The following TRPC6 variants were observed in gnomAD, a reference collection of about 807,000 sequenced individuals.
TRPC6 encodes short transient receptor potential channel 6.
A neutral mutation model predicts 90.7 loss-of-function variants in TRPC6; 55 were observed. The ratio of observed to expected loss-of-function variants is 0.61; its 90% CI spans 0.49 to 0.76. TRPC6 has a LOEUF of 0.76. TRPC6 is among the 30% of genes least tolerant of loss of function. TRPC6 has a pLI of 0.00. For missense variants in TRPC6, 989 were observed against 1,122.7 expected, an observed-to-expected ratio of 0.88 and a Z score of 1.70; for synonymous variants, 393 against 393.0, an observed-to-expected ratio of 1.00 and a Z score of 0.00.
intron 5 of TRPC6, among the ~76,000 whole-genome samples, chr11:101,480,836 A>C (rs1859535080): frequency 6.6e-6 from 1 of 152,212 alleles, no homozygotes; most frequent in Admixed American, 6.5e-5. Flanking sequence ...GGCCATGCAC[A>C]AGTGATTGTT....
intron 1 of TRPC6, among the ~76,000 whole-genome samples, chr11:101,522,242 C>G (rs1221093085): frequency 1.3e-5 from 2 of 152,134 alleles, no homozygotes; most frequent in African/African-American, 4.8e-5. Flanking sequence ...GGATATTCCC[C>G]TTACTATTCT....
chr11:101,521,806 T>G (rs1207425554), intron 1 of TRPC6, among the ~76,000 whole-genome samples: 1 of 152,246 alleles, frequency 6.6e-6, no homozygotes, highest in East Asian at 1.9e-4. Flanking sequence ...GAGATTATTT[T>G]GGATCTTTAA....
rs756416699 is a variant in TRPC6, at chr11:101,504,272, C to A, written c.697G>T (p.Glu233Ter). 2 of 1,613,254 alleles carry A rather than the reference C, an allele frequency of 1.2e-6. No homozygotes were observed. The highest frequency in any genetic ancestry group is 2.2e-5 in the South Asian group (2 of 91,080). Residue 233 changes from glutamate (E) to a stop codon, truncating the protein, a stop_gained, in exon 2 of 13, where the codon GAA becomes TAA. Transcript: ENST00000344327. LOFTEE classifies it high-confidence loss of function. ...IILAAHCQEYEIVHTLLRKGA... is the reference protein window; with the variant it reads ...IILAAHCQEY ...TTCCGCAGGAGGGTATGCACAATTT[C>A]ATATTCCTGGCAGTGGGCAGCCAGA...
At chr11:101,566,554 A>G (rs988869223) in intron 1 of TRPC6, among the ~76,000 whole-genome samples, 3 of 152,204 alleles carry the variant, frequency 2.0e-5, no homozygotes, top group Non-Finnish European at 2.9e-5. Context: ...GATCAAGAAT[A>G]TATCACCCAG....
At chr11:101,495,631 A>G (rs548813409) in intron 2 of TRPC6, among the ~76,000 whole-genome samples, 2 of 139,632 alleles carry the variant, frequency 1.4e-5, no homozygotes, top group African/African-American at 5.3e-5. Context: ...TATTATTATT[A>G]TTATCATTGT....
intron 11 of TRPC6, among the ~76,000 whole-genome samples, chr11:101,454,761 T>C (rs966920472): frequency 6.6e-6 from 1 of 152,102 alleles, no homozygotes; most frequent in African/African-American, 2.4e-5. Flanking sequence ...ATGTTTTTTG[T>C]AAGGTTTGCC....
chr11:101,475,081 A>G (rs1859380605), intron 6 of TRPC6, among the ~76,000 whole-genome samples: 1 of 152,160 alleles, frequency 6.6e-6, no homozygotes, highest in East Asian at 1.9e-4. Flanking sequence ...TACTGAATCC[A>G]TTAGCTAATA....
intron 1 of TRPC6, among the ~76,000 whole-genome samples, chr11:101,556,587 A>G (rs1358846702): frequency 2.0e-5 from 3 of 152,184 alleles, no homozygotes; most frequent in South Asian, 4.1e-4. Context: ...TTCATCAAAG[A>G]AAAGCCTGAT....
chr11:101,467,903 G>A (rs1422641298), intron 10 of TRPC6, among the ~76,000 whole-genome samples: 1 of 152,176 alleles, frequency 6.6e-6, no homozygotes, highest in South Asian at 2.1e-4. Context: ...AGAGTGAAAT[G>A]ACTTTGTAGC....
At chr11:101,537,578 A>G (rs1328755385) in intron 1 of TRPC6, among the ~76,000 whole-genome samples, 1 of 152,152 alleles carries the variant, frequency 6.6e-6, no homozygotes, top group Non-Finnish European at 1.5e-5. Context: ...CATTTTCTAG[A>G]AACTTCTTCA....
rs578229599 is a variant in TRPC6, at chr11:101,462,411, T to C, written c.2484+7016A>G. The stretch of plus-strand genomic sequence containing the variant: ...TAAATTACTTTGGGCAGTATGGCCA[T>C]TTTCATGATATTGATTCTTCCTATC... On this transcript the variant is annotated intron_variant, in intron 10 of 12. Transcript: ENST00000344327. Among the ~76,000 whole-genome samples the C allele has an allele frequency of 6.6e-5, 10 of 152,348 alleles. No individual in the cohort carries two copies. The South Asian group carries it at 2.1e-3, about 32-fold the overall frequency.
chr11:101,563,895 T>C (rs1002553683), intron 1 of TRPC6, among the ~76,000 whole-genome samples: 7 of 152,196 alleles, frequency 4.6e-5, no homozygotes, highest in Non-Finnish European at 8.8e-5. Flanking sequence ...CATTTTCTAC[T>C]TGTACATTTA....
At chr11:101,543,395 A>G (rs1420154659) in intron 1 of TRPC6, among the ~76,000 whole-genome samples, 1 of 152,186 alleles carries the variant, frequency 6.6e-6, no homozygotes, top group Admixed American at 6.5e-5. Context: ...TGGAACCAAA[A>G]AAGAGCTGGC....
intron 1 of TRPC6, among the ~76,000 whole-genome samples, chr11:101,555,715 C>T (rs185081019): frequency 6.6e-6 from 1 of 152,018 alleles, no homozygotes; most frequent in Non-Finnish European, 1.5e-5. Flanking sequence ...GTGGACTGTA[C>T]CAGATTTCTA....
chr11:101,472,449 C>A (rs138335106), intron 7 of TRPC6, 117 bp from the exon 8 acceptor site: 6 of 948,308 alleles, frequency 6.3e-6, no homozygotes, highest in African/African-American at 3.3e-5. Context: ...AAAAAAAATT[C>A]TTCACTTCTC....
intron 1 of TRPC6, among the ~76,000 whole-genome samples, chr11:101,541,936 T>G (rs1024897900): frequency 6.6e-6 from 1 of 152,200 alleles, no homozygotes; most frequent in South Asian, 2.1e-4. Flanking sequence ...ATATATACTA[T>G]GTCTAGAAGT....
intron 1 of TRPC6, among the ~76,000 whole-genome samples, chr11:101,513,729 T>G (rs1387526283): frequency 1.3e-5 from 2 of 152,176 alleles, no homozygotes; most frequent in Non-Finnish European, 2.9e-5. Context: ...AAAATTAACT[T>G]GTAACTAAGA....
intron 6 of TRPC6, 23 bp downstream of exon 6, chr11:101,476,277 AT>A: frequency 1.3e-6 from 2 of 1,596,596 alleles, no homozygotes; most frequent in Non-Finnish European, 1.7e-6. Flanking sequence ...ATTTTTATTT[AT>A]ATTGACTGTA....
chr11:101,499,124 T>C (rs1860025893), intron 2 of TRPC6, among the ~76,000 whole-genome samples: 1 of 152,172 alleles, frequency 6.6e-6, no homozygotes, highest in Non-Finnish European at 1.5e-5. Flanking sequence ...CCAGAAAAAG[T>C]TAAGCAAAGA....
Sources: gnomAD v4.1 joint callset for allele counts (sites outside exome capture counted in the v4.1 genomes callset) on GRCh38, gnomAD v4.1.1 for gene constraint, MANE v1.5 for transcripts, NCBI Gene and HGNC (gene_info 2026-07-23, HGNC 2026-07-21) for gene names.